The following VPS50 variants were observed in gnomAD, a reference collection of about 807,000 sequenced individuals.
VPS50 encodes the protein syndetin.
In VPS50, 70 loss-of-function variants were observed where a neutral mutation model predicts 139.7. The observed-to-expected ratio is 0.50, with a 90% CI of 0.41 to 0.61. The LOEUF is 0.61. Among genes scored for constraint, VPS50 ranks in the 20% least tolerant of loss-of-function variants. VPS50 has a pLI of 0.00. For synonymous variants in VPS50, 365 were observed against 376.7 expected, an observed-to-expected ratio of 0.97 and a Z score of 0.36; for missense variants, 921 against 1,133.7, an observed-to-expected ratio of 0.81 and a Z score of 2.69.
chr7:93,264,127 T>C (rs1656969993), intron 9 of VPS50, among the ~76,000 whole-genome samples: 1 of 152,202 alleles, frequency 6.6e-6, no homozygotes, highest in African/African-American at 2.4e-5. Flanking sequence ...TATCATATAA[T>C]GATGCACCCA....
chr7:93,233,443 T>G (rs1253049252), intron 1 of VPS50, among the ~76,000 whole-genome samples: 1 of 152,186 alleles, frequency 6.6e-6, no homozygotes, highest in African/African-American at 2.4e-5. Context: ...TTTTTTCTTG[T>G]TGATTACAAA....
chr7:93,358,207 T>A (rs961690497), intron 27 of VPS50, 110 bp from the exon 28 acceptor site: 7 of 962,250 alleles, frequency 7.3e-6, no homozygotes, highest in African/African-American at 1.6e-5. Flanking sequence ...CACTGGTTTA[T>A]AATGCTCAGT....
At chr7:93,259,433 A>G (rs1795597741) in intron 8 of VPS50, 117 bp from the exon 9 acceptor site, 1 of 552,460 alleles carries the variant, frequency 1.8e-6, no homozygotes, top group African/African-American at 1.9e-5. Context: ...TCTAAGAGGA[A>G]TTAAAGTTTT....
Position 93,358,166 on chromosome 7 carries a change from C to A in VPS50, c.2776-151C>A, listed in dbSNP as rs1002507726. Reference sequence around the variant, plus strand: ...TACAGCTCAGTAAACAATTTGCCTTCCATGTCCCAACTGTAATTTCCACTG... The same window carrying A: ...TACAGCTCAGTAAACAATTTGCCTTACATGTCCCAACTGTAATTTCCACTG... On this transcript the variant is annotated intron_variant, in intron 27 of 27. Transcript: ENST00000305866. The A allele has an allele frequency of 5.2e-5, 35 of 675,966 alleles. 1 individual carries two copies. The East Asian group carries it at 8.6e-4, about 17-fold the overall frequency. 41.9% of individuals were successfully genotyped at this position (675,966 alleles called of 1,614,324 possible). A position where few individuals can be genotyped will look rare whatever the true frequency, so the allele number is the denominator to read the frequency against.
At chr7:93,252,590 T>A in intron 2 of VPS50, 63 bp from the exon 3 acceptor site, 2 of 1,092,990 alleles carry the variant, frequency 1.8e-6, no homozygotes, top group Non-Finnish European at 2.7e-6. Context: ...TGATCATTTA[T>A]TTCCATGCAG....
intron 27 of VPS50, among the ~76,000 whole-genome samples, chr7:93,357,070 C>T (rs1798726336): frequency 6.6e-6 from 1 of 152,104 alleles, no homozygotes; most frequent in East Asian, 1.9e-4. Context: ...AACTTCACCA[C>T]GTTTAGCCCC....
chr7:93,276,780 G>T (rs1796168332), intron 12 of VPS50, among the ~76,000 whole-genome samples: 1 of 152,132 alleles, frequency 6.6e-6, no homozygotes, highest in African/African-American at 2.4e-5. Flanking sequence ...ACTGACTTGG[G>T]TTCTGTTTTA....
At position 93,348,311 on chromosome 7, in the gene VPS50, A is replaced by T. The variant is rs562554591; in HGVS notation, c.2208-400A>T. Reference sequence around the variant, plus strand: ...GGGTTACTTCTGAAAAGTGTCAGATATTGAATCTGAGATTTCAAGAGTCTG... The same window carrying T: ...GGGTTACTTCTGAAAAGTGTCAGATTTTGAATCTGAGATTTCAAGAGTCTG... On this transcript the variant is annotated intron_variant, in intron 23 of 27. Coordinates refer to ENST00000305866, the MANE Select transcript of VPS50 (RefSeq NM_017667.4). Among the ~76,000 whole-genome samples the T allele has an allele frequency of 2.0e-5, 3 of 152,322 alleles. No homozygotes were observed. The East Asian group carries it at 5.8e-4, about 29-fold the overall frequency.
chr7:93,261,669 C>T (rs1293780535), intron 9 of VPS50, among the ~76,000 whole-genome samples: 5 of 133,788 alleles, frequency 3.7e-5, no homozygotes, highest in Admixed American at 7.7e-5. Context: ...CAGAGCGAGA[C>T]TCCGTCTCAA....
intron 2 of VPS50, among the ~76,000 whole-genome samples, chr7:93,248,358 G>A (rs577441418): frequency 6.6e-6 from 1 of 152,014 alleles, no homozygotes; most frequent in East Asian, 1.9e-4. Context: ...TATTTTAGGT[G>A]AAGAATTATG....
At chr7:93,242,942 G>A (rs1369468153) in intron 2 of VPS50, among the ~76,000 whole-genome samples, 3 of 151,912 alleles carry the variant, frequency 2.0e-5, no homozygotes, top group African/African-American at 7.2e-5. Context: ...AAAAAGGAGG[G>A]TAGTGAAGGA....
At chr7:93,271,964 T>C (rs1796023337) in intron 10 of VPS50, among the ~76,000 whole-genome samples, 1 of 151,796 alleles carries the variant, frequency 6.6e-6, no homozygotes. Context: ...ATTAAATAAT[T>C]GTGAGAATGA....
chr7:93,240,278 T>A (rs1426885608), intron 2 of VPS50, among the ~76,000 whole-genome samples: 1 of 150,712 alleles, frequency 6.6e-6, no homozygotes, highest in Non-Finnish European at 1.5e-5. Context: ...CTCATTGATT[T>A]ATCTGCTGTA....
rs762536040 is a variant in VPS50, at chr7:93,348,771, A to G, written c.2268A>G (p.Ala756=). The part of the protein sequence containing the change: ...LQPHLDAVMP[A]VKKPFLQQFY... ...CACATCTGGATGCTGTGATGCCTGC[A>G]GTCAAAAAGCCCTTTCTTCAGCAGT... The change falls in exon 24 of 28, where the codon GCA becomes GCG. Residue 756 remains alanine, a synonymous_variant. Coordinates refer to ENST00000305866, the MANE Select transcript of VPS50 (RefSeq NM_017667.4). 2 of 1,613,482 alleles carry G rather than the reference A, an allele frequency of 1.2e-6. No homozygotes were observed. The highest frequency in any genetic ancestry group is 1.7e-5 in the Admixed American group (1 of 59,988).
At chr7:93,235,954 T>G (rs547423766) in intron 1 of VPS50, among the ~76,000 whole-genome samples, 2 of 152,304 alleles carry the variant, frequency 1.3e-5, no homozygotes, top group South Asian at 4.1e-4. Flanking sequence ...GAGAATCCAG[T>G]GTTAAAAACT....
intron 12 of VPS50, among the ~76,000 whole-genome samples, chr7:93,287,068 T>C (rs1268529386): frequency 6.6e-6 from 1 of 151,906 alleles, no homozygotes; most frequent in Non-Finnish European, 1.5e-5. Flanking sequence ...TATATGTATT[T>C]AATAAAATGG....
intron 9 of VPS50, among the ~76,000 whole-genome samples, chr7:93,266,618 G>A (rs12539635): frequency 0.15 from 22,048 of 152,034 alleles, 2,575 homozygotes; most frequent in East Asian, 0.4. Context: ...TGTTTGATTC[G>A]TTCCATTCAG....
chr7:93,281,398 G>T (rs1796322381), intron 12 of VPS50, among the ~76,000 whole-genome samples: 1 of 152,106 alleles, frequency 6.6e-6, no homozygotes, highest in Admixed American at 6.5e-5. Context: ...ACATGTTTCT[G>T]TTCCTAAATC....
chr7:93,253,532 C>T lies in VPS50; in HGVS notation c.226-328C>T, dbSNP rs6979863. ...TAGGTTAGTTACTGTCTCACATTCT[C>T]CTGTCACAGGCCGTGGCAGCAGTGT... On this transcript the variant is annotated intron_variant, in intron 3 of 27. Transcript: ENST00000305866. 6.2e-3 allele frequency among the ~76,000 whole-genome samples: 950 copies of T among 152,292 alleles called. 11 individuals carry two copies. The highest frequency in any genetic ancestry group is 0.022 in the African/African-American group (922 of 41,550).
Sources: allele counts gnomAD v4.1 joint callset (sites outside exome capture counted in the v4.1 genomes callset), GRCh38; gene constraint gnomAD v4.1.1; transcripts MANE v1.5; gene names NCBI Gene and HGNC (gene_info 2026-07-23, HGNC 2026-07-21).